Variants in EYS observed in about 807,000 individuals in gnomAD.
EYS encodes the protein protein eyes shut homolog.
Under a neutral mutation model 282.1 loss-of-function variants are expected in EYS, and 250 were observed. The ratio of observed to expected loss-of-function variants is 0.89; its 90% CI spans 0.80 to 0.98. The LOEUF (loss-of-function observed/expected upper bound fraction) is 0.98. EYS is among the 50% of genes least tolerant of loss of function. EYS has a pLI of 0.00. For synonymous variants in EYS, 1,355 were observed against 1,282.9 expected, an observed-to-expected ratio of 1.06 and a Z score of -1.20; for missense variants, 4,016 against 3,709.0, an observed-to-expected ratio of 1.08 and a Z score of -2.15.
rs775303741 is a variant in EYS, at chr6:65,490,727, T to G, written c.749-20A>C. ...TCTTTCCTATAACAATGAAAAAAAGTTTTTTTTACATTGGATATCAATATT... is the reference window on the plus strand; with the variant it reads ...TCTTTCCTATAACAATGAAAAAAAGGTTTTTTTACATTGGATATCAATATT... On this transcript the variant is annotated intron_variant, in intron 4 of 42. Coordinates refer to ENST00000503581, the MANE Select transcript of EYS (RefSeq NM_001142800.2). The G allele has an allele frequency of 1.1e-5, 16 of 1,430,212 alleles. No homozygotes were observed. The highest frequency in any genetic ancestry group is 6.9e-5 in the South Asian group (6 of 86,524). The allele number at this position is 1,430,212 out of a possible 1,614,324, so 88.6% of individuals were successfully genotyped here. A position where few individuals can be genotyped will look rare whatever the true frequency, so the allele number is the denominator to read the frequency against.
At position 64,886,732 on chromosome 6, in the gene EYS, T is replaced by C. The variant is rs1412553953; in HGVS notation, c.2957A>G (p.Asp986Gly). 6.5e-7 allele frequency: 1 copy of C among 1,546,842 alleles called. No homozygotes were observed. Among genetic ancestry groups the C allele is most frequent in the East Asian group, 2.5e-5 (1 of 40,364 alleles). The change falls in exon 19 of 43, where the codon GAT (aspartate) becomes GGT (glycine). Residue 986 changes from aspartate to glycine, a missense_variant. Physicochemically the swap from Asp to Gly is moderately conservative, Grantham distance 94 (BLOSUM62 -1). Coordinates refer to ENST00000503581, the MANE Select transcript of EYS (RefSeq NM_001142800.2). The stretch of plus-strand genomic sequence containing the variant: ...AGGGGCACAGAGGCAGTTGTATCCA[T>C]CAGTCCTGTAGACACAATTTTCTTC... ...LDEENCVYRT[D>G]GYNCLCAPGY... is the part of the protein sequence containing the mutation.
At chr6:65,478,658 CT>C (rs1211309838) in intron 5 of EYS, among the ~76,000 whole-genome samples, 3 of 152,090 alleles carry the variant, frequency 2.0e-5, no homozygotes, top group African/African-American at 7.2e-5. Context: ...AGAAATTGAT[CT>C]TTATGCCTAA....
chr6:64,395,280 G>C (rs1773320851), intron 28 of EYS, among the ~76,000 whole-genome samples: 1 of 152,066 alleles, frequency 6.6e-6, no homozygotes, highest in Non-Finnish European at 1.5e-5. Context: ...TCCCATTACT[G>C]GGTATATACC....
chr6:64,574,390 G>A (rs948900756), intron 26 of EYS, among the ~76,000 whole-genome samples: 4 of 152,096 alleles, frequency 2.6e-5, no homozygotes, highest in East Asian at 1.9e-4. Context: ...AAAACTGTAC[G>A]TTCTGCACCT....
chr6:65,412,530 A>G (rs747892657), intron 5 of EYS, among the ~76,000 whole-genome samples: 15 of 152,268 alleles, frequency 9.9e-5, no homozygotes, highest in Middle Eastern at 3.4e-3. Context: ...CTATTTTAAT[A>G]GGTATGTAGC....
rs1257353876 is a variant in EYS, at chr6:64,475,937, C to A, written c.5645-36585G>T. Among the ~76,000 whole-genome samples the A allele has an allele frequency of 2.6e-5, 4 of 152,060 alleles. No individual in the cohort carries two copies. The East Asian group carries it at 5.8e-4, about 22-fold the overall frequency. ...AAGTAGCTAAGGCTACAGGTACATG[C>A]CAGCATGCTCAGTTATTTTTTTGAA... is the stretch of plus-strand genomic sequence containing the variant. On this transcript the variant is annotated intron_variant, in intron 26 of 42. Transcript: ENST00000503581.
At chr6:63,905,001 G>C (rs1773740379) in intron 35 of EYS, among the ~76,000 whole-genome samples, 1 of 152,192 alleles carries the variant, frequency 6.6e-6, no homozygotes, top group South Asian at 2.1e-4. Flanking sequence ...TCTAGTTCTA[G>C]AATATTTTTA....
At chr6:65,120,087 G>T (rs1304208279) in intron 12 of EYS, among the ~76,000 whole-genome samples, 2 of 141,254 alleles carry the variant, frequency 1.4e-5, no homozygotes, top group Non-Finnish European at 3.1e-5. Flanking sequence ...GGCAGGCAGA[G>T]CTTGCAGTGA....
intron 12 of EYS, among the ~76,000 whole-genome samples, chr6:65,291,482 T>C (rs1463489824): frequency 6.6e-6 from 1 of 151,574 alleles, no homozygotes; most frequent in Non-Finnish European, 1.5e-5. Flanking sequence ...AAAGTGAGGT[T>C]GTATATTTAT....
intron 40 of EYS, among the ~76,000 whole-genome samples, chr6:63,765,807 C>T (rs1259380469): frequency 6.6e-6 from 1 of 151,982 alleles, no homozygotes; most frequent in African/African-American, 2.4e-5. Flanking sequence ...TACCACCGTT[C>T]TCAGCCTCTA....
Position 64,757,736 on chromosome 6 carries a change from TTTTTTC to T in EYS, c.3443+55636_3443+55641del, listed in dbSNP as rs1562174555. ...TCTACAAAAGATTAATTTTTTTTCT[TTTTTTC>T]TTTGTGTGTGTGTGTGTGTGTGTGT... On this transcript the variant is annotated intron_variant, in intron 22 of 42. Coordinates refer to ENST00000503581, the MANE Select transcript of EYS (RefSeq NM_001142800.2). Among the ~76,000 whole-genome samples the T allele has an allele frequency of 4.8e-3, 627 of 131,944 alleles. 2 individuals carry two copies. Among genetic ancestry groups the T allele is most frequent in the Admixed American group, 5.2e-3 (66 of 12,734 alleles). 86.6% of individuals were successfully genotyped at this position (131,944 alleles called of 152,430 possible).
intron 22 of EYS, among the ~76,000 whole-genome samples, chr6:64,736,406 AGT>A (rs1260192066): frequency 6.6e-6 from 1 of 152,164 alleles, no homozygotes; most frequent in East Asian, 1.9e-4. Flanking sequence ...TTCTCTAAAG[AGT>A]GGTTGAAGAA....
intron 2 of EYS, among the ~76,000 whole-genome samples, chr6:65,611,155 C>T (rs944654712): frequency 6.7e-5 from 10 of 149,584 alleles, no homozygotes; most frequent in African/African-American, 2.0e-4. Flanking sequence ...ATCAAATAAC[C>T]GTGTGGGTAT....
intron 30 of EYS, among the ~76,000 whole-genome samples, chr6:64,303,366 G>C (rs190261776): frequency 2.0e-5 from 3 of 152,268 alleles, no homozygotes; most frequent in Admixed American, 2.0e-4. Flanking sequence ...AGGATTCAAA[G>C]CTGGAATACG....
At chr6:64,646,143 G>T (rs1205101920) in intron 22 of EYS, among the ~76,000 whole-genome samples, 1 of 152,176 alleles carries the variant, frequency 6.6e-6, no homozygotes, top group East Asian at 1.9e-4. Flanking sequence ...AAGAGAAACC[G>T]GCAGGGGCTA....
At chr6:65,544,684 G>A (rs1273500007) in intron 2 of EYS, among the ~76,000 whole-genome samples, 2 of 152,092 alleles carry the variant, frequency 1.3e-5, no homozygotes, top group African/African-American at 2.4e-5. Context: ...TTATAGCAGT[G>A]TGAGAATGGA....
At chr6:65,001,681 C>G (rs1771472454) in intron 13 of EYS, among the ~76,000 whole-genome samples, 2 of 147,926 alleles carry the variant, frequency 1.4e-5, no homozygotes, top group Admixed American at 6.7e-5. Flanking sequence ...ATTTCCGTGT[C>G]TTCTGTCTGT....
intron 26 of EYS, among the ~76,000 whole-genome samples, chr6:64,548,842 A>G (rs1764971684): frequency 6.6e-6 from 1 of 152,012 alleles, no homozygotes; most frequent in Admixed American, 6.6e-5. Context: ...AAAAAAAGAA[A>G]GAATAGCTGC....
chr6:64,433,389 T>C (rs1044772436), intron 28 of EYS, among the ~76,000 whole-genome samples: 1 of 152,072 alleles, frequency 6.6e-6, no homozygotes, highest in East Asian at 1.9e-4. Flanking sequence ...CAACTCATAA[T>C]TCGTGTTTTT....
Sources: gnomAD v4.1 joint callset for allele counts (sites outside exome capture counted in the v4.1 genomes callset) on GRCh38, gnomAD v4.1.1 for gene constraint, MANE v1.5 for transcripts, NCBI Gene and HGNC (gene_info 2026-07-23, HGNC 2026-07-21) for gene names.